Variants in RAD51B observed in about 807,000 individuals in gnomAD.
RAD51B encodes the protein DNA repair protein RAD51 homolog 2.
Under a neutral mutation model 42.2 loss-of-function variants are expected in RAD51B, and 38 were observed. That is an observed-to-expected ratio of 0.90 (90% CI 0.70 to 1.18). RAD51B has a LOEUF of 1.18. Among genes scored for constraint, RAD51B ranks in the 50% most tolerant of loss-of-function variants. The pLI is 0.00. For synonymous variants in RAD51B, 154 were observed against 145.2 expected (o/e 1.06, Z -0.43); for missense variants, 373 against 400.7 (o/e 0.93, Z 0.59).
At chr14:68,636,514 C>T (rs1004384976) in intron 10 of RAD51B, among the ~76,000 whole-genome samples, 2 of 140,400 alleles carry the variant, frequency 1.4e-5, no homozygotes, top group Non-Finnish European at 3.0e-5. Flanking sequence ...ACCCAGGAGG[C>T]GGAGGTTGCA....
chr14:67,868,727 A>G (rs1224574478), intron 5 of RAD51B, among the ~76,000 whole-genome samples: 2 of 152,290 alleles, frequency 1.3e-5, no homozygotes, highest in Admixed American at 1.3e-4. Flanking sequence ...CCCAGCACGC[A>G]GCTGGAGATC....
At chr14:67,953,319 G>A (rs940608590) in intron 7 of RAD51B, among the ~76,000 whole-genome samples, 3 of 152,152 alleles carry the variant, frequency 2.0e-5, no homozygotes, top group Non-Finnish European at 4.4e-5. Context: ...TGGAGCAGAG[G>A]TGGAGATGTA....
At chr14:67,975,276 T>A (rs907419460) in intron 7 of RAD51B, among the ~76,000 whole-genome samples, 1 of 152,190 alleles carries the variant, frequency 6.6e-6, no homozygotes, top group African/African-American at 2.4e-5. Context: ...TTTGCTGGCT[T>A]CCAATCCTTA....
At chr14:68,667,703 T>C (rs1893061073) in intron 11 of RAD51B, among the ~76,000 whole-genome samples, 1 of 152,238 alleles carries the variant, frequency 6.6e-6, no homozygotes, top group Non-Finnish European at 1.5e-5. Context: ...TTAATGATGA[T>C]TGCTCAATTC....
intron 8 of RAD51B, among the ~76,000 whole-genome samples, chr14:68,352,474 G>A (rs2082810579): frequency 6.6e-6 from 1 of 152,178 alleles, no homozygotes; most frequent in South Asian, 2.1e-4. Flanking sequence ...CATAAAAGGT[G>A]GTTGTTTGGA....
intron 4 of RAD51B, among the ~76,000 whole-genome samples, chr14:67,846,765 C>T (rs962262941): frequency 3.3e-5 from 5 of 152,162 alleles, no homozygotes; most frequent in African/African-American, 1.2e-4. Context: ...TGCAAGACCA[C>T]CATGATCTGT....
chr14:68,360,422 T>G (rs1180874563), intron 8 of RAD51B, among the ~76,000 whole-genome samples: 1 of 152,262 alleles, frequency 6.6e-6, no homozygotes, highest in Non-Finnish European at 1.5e-5. Flanking sequence ...CTGACATCCA[T>G]GACATCAGGG....
chr14:68,080,309 T>G (rs566215379), intron 7 of RAD51B, among the ~76,000 whole-genome samples: 3 of 152,378 alleles, frequency 2.0e-5, no homozygotes, highest in Middle Eastern at 3.4e-3. Context: ...ATACTTCTGA[T>G]TCCATAATGT....
intron 7 of RAD51B, among the ~76,000 whole-genome samples, chr14:68,239,279 C>G (rs754694646): frequency 3.3e-4 from 51 of 152,252 alleles, no homozygotes; most frequent in Admixed American, 5.9e-4. Context: ...CTCCCTTTCT[C>G]AAGGTGTCAC....
At chr14:68,572,832 T>G (rs1471819605) in intron 10 of RAD51B, among the ~76,000 whole-genome samples, 1 of 152,198 alleles carries the variant, frequency 6.6e-6, no homozygotes, top group Admixed American at 6.5e-5. Context: ...GGCTAATGCT[T>G]CTGAGCTCTT....
chr14:68,110,215 G>C (rs2077439207), intron 7 of RAD51B, among the ~76,000 whole-genome samples: 1 of 151,920 alleles, frequency 6.6e-6, no homozygotes. Flanking sequence ...GTTTTTTGAG[G>C]CACTCTGTGG....
chr14:68,298,473 T>A (rs1315376136), intron 8 of RAD51B, among the ~76,000 whole-genome samples: 1 of 152,078 alleles, frequency 6.6e-6, no homozygotes, highest in African/African-American at 2.4e-5. Context: ...GCCAGAGAGG[T>A]TTCTTTGGGG....
At chr14:68,145,139 GC>G (rs964870510) in intron 7 of RAD51B, among the ~76,000 whole-genome samples, 4 of 152,166 alleles carry the variant, frequency 2.6e-5, no homozygotes, top group African/African-American at 9.7e-5. Context: ...ATGAGAAAAA[GC>G]CTGCAGAAGG....
At chr14:68,411,022 T>G (rs1173861214) in intron 8 of RAD51B, among the ~76,000 whole-genome samples, 1 of 152,184 alleles carries the variant, frequency 6.6e-6, no homozygotes, top group African/African-American at 2.4e-5. Flanking sequence ...TTAAGACTCT[T>G]GTCTAGCTAA....
chr14:68,121,757 T>C (rs1249872278), intron 7 of RAD51B, among the ~76,000 whole-genome samples: 1 of 152,016 alleles, frequency 6.6e-6, no homozygotes, highest in African/African-American at 2.4e-5. Context: ...AACTAAAAAA[T>C]TTACAAAAAT....
In RAD51B at chr14:68,632,737, G is replaced by A. The variant is rs370278957; in HGVS notation, c.1037-18044G>A. On this transcript the variant is annotated intron_variant, in intron 10 of 11. Transcript: ENST00000488612. ...GGGAGCCAGCTCCAACAAACCCACCGTTGGCCCACCATGCCCACCCTACTC... is the reference window on the plus strand; with the variant it reads ...GGGAGCCAGCTCCAACAAACCCACCATTGGCCCACCATGCCCACCCTACTC... Among the ~76,000 whole-genome samples the A allele has an allele frequency of 9.2e-5, 14 of 152,170 alleles. No individual in the cohort carries two copies. In the South Asian group the frequency reaches 1.2e-3, roughly 14 times the overall value.
intron 11 of RAD51B, among the ~76,000 whole-genome samples, chr14:68,682,743 G>T (rs1893458977): frequency 1.3e-5 from 2 of 151,066 alleles, no homozygotes; most frequent in South Asian, 4.3e-4. Context: ...AAGCAGGGAC[G>T]TGGGGGTGGA....
At chr14:68,500,584 G>C (rs1021167583) in intron 10 of RAD51B, among the ~76,000 whole-genome samples, 1 of 152,252 alleles carries the variant, frequency 6.6e-6, no homozygotes, top group Non-Finnish European at 1.5e-5. Context: ...GGAGTGATGG[G>C]TTGATTGAAA....
At chr14:67,861,020 C>G (rs1343611409) in intron 4 of RAD51B, among the ~76,000 whole-genome samples, 1 of 151,960 alleles carries the variant, frequency 6.6e-6, no homozygotes, top group Non-Finnish European at 1.5e-5. Context: ...ATAGTGAGAC[C>G]TTGCCACTAC....
Sources: gnomAD v4.1 joint callset for allele counts (sites outside exome capture counted in the v4.1 genomes callset) on GRCh38, gnomAD v4.1.1 for gene constraint, MANE v1.5 for transcripts, NCBI Gene and HGNC (gene_info 2026-07-23, HGNC 2026-07-21) for gene names.